The following PARVA variants were observed in gnomAD, a reference collection of about 807,000 sequenced individuals.
PARVA encodes the protein alpha-parvin.
In PARVA, 25 loss-of-function variants were observed where a neutral mutation model predicts 52.6. The ratio of observed to expected loss-of-function variants is 0.48; its 90% CI spans 0.35 to 0.66. The LOEUF (loss-of-function observed/expected upper bound fraction) is 0.66, where lower values mean the gene tolerates loss of function less well. Among genes scored for constraint, PARVA ranks in the 30% least tolerant of loss-of-function variants. The probability of loss-of-function intolerance (pLI) is 0.01; values close to 1 mark genes in which losing one functional copy is unlikely to be tolerated. For synonymous variants in PARVA, 185 were observed against 179.1 expected, an observed-to-expected ratio of 1.03 and a Z score of -0.26; for missense variants, 373 against 450.9, an observed-to-expected ratio of 0.83 and a Z score of 1.56.
chr11:12,479,682 G>GCA (rs2135043163), intron 4 of PARVA: 1 of 152,152 alleles, frequency 6.6e-6, no homozygotes, highest in Non-Finnish European at 1.5e-5. Flanking sequence ...TCTCTCTGAG[G>GCA]GACTATATAT....
chr11:12,517,555 T>G, intron 10 of PARVA, 55 bp from the exon 11 acceptor site: 3 of 1,300,360 alleles, frequency 2.3e-6, no homozygotes, highest in Non-Finnish European at 3.3e-6. Flanking sequence ...GCCCCCTGGA[T>G]GGGGATTGGC....
intron 4 of PARVA, among the ~76,000 whole-genome samples, chr11:12,487,864 G>A (rs773198980): frequency 3.3e-5 from 5 of 152,218 alleles, no homozygotes; most frequent in South Asian, 2.1e-4. Context: ...AATATTTCTC[G>A]TAATAGTCAT....
intron 1 of PARVA, among the ~76,000 whole-genome samples, chr11:12,469,733 G>GA (rs950511698): frequency 1.3e-5 from 2 of 152,126 alleles, no homozygotes; most frequent in East Asian, 1.9e-4. Flanking sequence ...ATCGTTTCCT[G>GA]AAAAAAACAT....
At chr11:12,456,785 G>A (rs1370456592) in intron 1 of PARVA, among the ~76,000 whole-genome samples, 3 of 152,086 alleles carry the variant, frequency 2.0e-5, no homozygotes, top group Non-Finnish European at 4.4e-5. Flanking sequence ...TGACTTAAGT[G>A]ATATCCCCAG....
intron 12 of PARVA, among the ~76,000 whole-genome samples, chr11:12,518,808 C>A (rs1941604007): frequency 6.6e-6 from 1 of 152,226 alleles, no homozygotes; most frequent in Admixed American, 6.5e-5. Context: ...CCAGGTTTTC[C>A]TGTCCCTGCA....
Position 12,508,609 on chromosome 11 carries a change from G to A in PARVA, c.683G>A (p.Arg228Gln), listed in dbSNP as rs765042412. The A allele has an allele frequency of 9.3e-6, 15 of 1,608,656 alleles. No individual in the cohort carries two copies. Among genetic ancestry groups the A allele is most frequent in the African/African-American group, 4.0e-5 (3 of 74,302 alleles). Reference sequence around the variant, plus strand: ...AAACGAGAAGGAATCCTCCAGTCTCGGCAAATCCAAGAGGAAATAACTGGT... The same window carrying A: ...AAACGAGAAGGAATCCTCCAGTCTCAGCAAATCCAAGAGGAAATAACTGGT... ...VQKREGILQS[R>Q]QIQEEITGNT... Residue 228 changes from arginine to glutamine, a missense_variant, in exon 7 of 13, where the codon CGG becomes CAG. Coordinates refer to ENST00000334956, the MANE Select transcript of PARVA (RefSeq NM_018222.5).
intron 1 of PARVA, among the ~76,000 whole-genome samples, chr11:12,424,049 G>C (rs892278169): frequency 6.6e-6 from 1 of 151,844 alleles, no homozygotes; most frequent in Non-Finnish European, 1.5e-5. Flanking sequence ...AATGTTACTG[G>C]TATTACTCTA....
At chr11:12,474,546 G>T (rs1005252407) in intron 3 of PARVA, among the ~76,000 whole-genome samples, 1 of 152,126 alleles carries the variant, frequency 6.6e-6, no homozygotes, top group Non-Finnish European at 1.5e-5. Context: ...TAACCAAGCT[G>T]CACTTAAGAC....
intron 5 of PARVA, 45 bp downstream of exon 5, chr11:12,496,643 G>T: frequency 1.3e-6 from 2 of 1,583,092 alleles, no homozygotes; most frequent in Non-Finnish European, 1.7e-6. Context: ...AATGCCTGTG[G>T]TCCCTGCCAT....
At chr11:12,451,573 A>G (rs879026270) in intron 1 of PARVA, among the ~76,000 whole-genome samples, 1 of 152,078 alleles carries the variant, frequency 6.6e-6, no homozygotes, top group African/African-American at 2.4e-5. Context: ...GTATAATATG[A>G]TTATGAATGA....
At chr11:12,478,110 G>A (rs754092758) in intron 4 of PARVA, 161 bp downstream of exon 4, 1 of 704,748 alleles carries the variant, frequency 1.4e-6, no homozygotes. Flanking sequence ...GGCTTTAGAT[G>A]TCCTCTTGGA....
At chr11:12,511,160 T>C (rs1399447811) in intron 7 of PARVA, among the ~76,000 whole-genome samples, 1 of 152,194 alleles carries the variant, frequency 6.6e-6, no homozygotes, top group East Asian at 1.9e-4. Context: ...ATTTTCTGGT[T>C]GGAAATCTTC....
At position 12,498,772 on chromosome 11, in the gene PARVA, G is replaced by A. The variant is rs550474689; in HGVS notation, c.541+2174G>A. Among the ~76,000 whole-genome samples, 8 of 151,622 alleles carry A rather than the reference G, an allele frequency of 5.3e-5. No individual in the cohort carries two copies. The South Asian group carries it at 1.0e-3, about 20-fold the overall frequency. On this transcript the variant is annotated intron_variant, in intron 5 of 12. Coordinates refer to ENST00000334956, the MANE Select transcript of PARVA (RefSeq NM_018222.5). ...GTATTTTTAGTAGAGACAGGAATTC[G>A]CCATGGCCAGGCTGGTCTCAAAGTC... is the stretch of plus-strand genomic sequence containing the variant.
chr11:12,457,633 G>A (rs971272703), intron 1 of PARVA, among the ~76,000 whole-genome samples: 2 of 152,172 alleles, frequency 1.3e-5, no homozygotes, highest in Non-Finnish European at 1.5e-5. Flanking sequence ...TATTTGGGCT[G>A]GAAGGGGAAG....
Position 12,529,841 on chromosome 11 carries a change from AAG to A in PARVA, c.*1918_*1919del, listed in dbSNP as rs1428621632. ...TACTGTTTTGTGTTGATCTATGTAA[AAG>A]AATACAATTCTTTTTTACATAATTA... On this transcript the variant is annotated 3_prime_UTR_variant, in exon 13 of 13. Coordinates refer to ENST00000334956, the MANE Select transcript of PARVA (RefSeq NM_018222.5). 1 of 152,196 alleles carries A rather than the reference AAG, an allele frequency of 6.6e-6. No individual in the cohort carries two copies. Among genetic ancestry groups the A allele is most frequent in the Non-Finnish European group, 1.5e-5 (1 of 68,034 alleles). The allele number at this position is 152,196 out of a possible 1,614,324, so 9.4% of individuals were successfully genotyped here. A position where few individuals can be genotyped will look rare whatever the true frequency, so the allele number is the denominator to read the frequency against.
chr11:12,523,405 G>A (rs1482349923), intron 12 of PARVA, among the ~76,000 whole-genome samples: 1 of 152,174 alleles, frequency 6.6e-6, no homozygotes, highest in Non-Finnish European at 1.5e-5. Context: ...CAGAGACCGT[G>A]GGGGAAGGCT....
At chr11:12,400,287 T>C (rs566545084) in intron 1 of PARVA, among the ~76,000 whole-genome samples, 1 of 152,216 alleles carries the variant, frequency 6.6e-6, no homozygotes, top group South Asian at 2.1e-4. Context: ...TATTTGAATT[T>C]CCATGATTAC....
At chr11:12,416,676 AAAG>A (rs1449147496) in intron 1 of PARVA, among the ~76,000 whole-genome samples, 2 of 151,954 alleles carry the variant, frequency 1.3e-5, no homozygotes, top group Non-Finnish European at 2.9e-5. Context: ...GAGTGGAGAG[AAAG>A]AAGGAGAACA....
At chr11:12,427,776 C>T (rs1259307389) in intron 1 of PARVA, among the ~76,000 whole-genome samples, 2 of 152,182 alleles carry the variant, frequency 1.3e-5, no homozygotes, top group Non-Finnish European at 2.9e-5. Flanking sequence ...CTGCTATGTT[C>T]CTAACTTTTA....
Sources: gnomAD v4.1 joint callset for allele counts (sites outside exome capture counted in the v4.1 genomes callset) on GRCh38, gnomAD v4.1.1 for gene constraint, MANE v1.5 for transcripts, NCBI Gene and HGNC (gene_info 2026-07-23, HGNC 2026-07-21) for gene names.